Variants in TRPM6 observed in about 807,000 individuals in gnomAD.
TRPM6 encodes channel kinase 2.
In TRPM6, 111 loss-of-function variants were observed where a neutral mutation model predicts 247.6. That is an observed-to-expected ratio of 0.45 (90% CI 0.38 to 0.52). TRPM6 has a LOEUF of 0.52. Ranked by LOEUF, TRPM6 falls within the 20% of genes least tolerant of loss-of-function variation. The probability of loss-of-function intolerance (pLI) is 0.00; values close to 1 mark genes in which losing one functional copy is unlikely to be tolerated. For missense variants in TRPM6, 2,126 were observed against 2,421.5 expected (o/e 0.88, Z 2.56); for synonymous variants, 892 against 853.8 (o/e 1.04, Z -0.78).
chr9:74,817,477 C>T (rs965557410), intron 9 of TRPM6, among the ~76,000 whole-genome samples: 2 of 152,176 alleles, frequency 1.3e-5, no homozygotes, highest in African/African-American at 4.8e-5. Flanking sequence ...AGGCGAGTCA[C>T]CACGCCCAGC....
chr9:74,778,187 C>T (rs1042040600), intron 23 of TRPM6, among the ~76,000 whole-genome samples: 1 of 152,120 alleles, frequency 6.6e-6, no homozygotes, highest in African/African-American at 2.4e-5. Flanking sequence ...AAGGGCACCC[C>T]CACCAGGGGC....
intron 11 of TRPM6, among the ~76,000 whole-genome samples, chr9:74,815,707 T>A (rs1014378803): frequency 3.9e-5 from 6 of 152,214 alleles, no homozygotes; most frequent in African/African-American, 1.2e-4. Context: ...TATGACATTA[T>A]TTAGAAATAT....
Position 74,796,718 on chromosome 9 carries a change from G to A in TRPM6, c.2391+23C>T, listed in dbSNP as rs1436746504. The A allele has an allele frequency of 2.3e-5, 37 of 1,611,416 alleles. No individual in the cohort carries two copies. In the Admixed American group the frequency reaches 5.3e-4, roughly 23 times the overall value. The stretch of plus-strand genomic sequence containing the variant: ...GTGCAGTCAATACAATGAAAATTCA[G>A]TTCATTATGATTTTGCACTAACCAC... On this transcript the variant is annotated intron_variant, in intron 18 of 38. Transcript: ENST00000360774.
At chr9:74,877,607 C>A (rs746544442) in intron 1 of TRPM6, among the ~76,000 whole-genome samples, 1 of 152,182 alleles carries the variant, frequency 6.6e-6, no homozygotes, top group Non-Finnish European at 1.5e-5. Flanking sequence ...CCCCTGCCCA[C>A]AGCCCACCTC....
rs971269569 is a variant in TRPM6, at chr9:74,800,354, G to A, written c.2138C>T (p.Ser713Leu). The change falls in exon 17 of 39, where the codon TCG becomes TTG. Residue 713 changes from serine (S) to leucine (L), a missense_variant. Around this residue, in one of 3 missense-constraint regions of TRPM6, gnomAD observed 1,082 missense variants for 1,307.9 expected, o/e 0.83. Coordinates refer to ENST00000360774, the MANE Select transcript of TRPM6 (RefSeq NM_017662.5). Reference sequence around the variant, plus strand: ...TGAAACAAAGGGTCGTAATCCTCCCGACACGGCCAGTTTAAGGCAGGTCGA... The same window carrying A: ...TGAAACAAAGGGTCGTAATCCTCCCAACACGGCCAGTTTAAGGCAGGTCGA... ...SNSTCLKLAV[S>L]GGLRPFVSHT... 25 of 1,613,892 alleles carry A rather than the reference G, an allele frequency of 1.5e-5. No individual in the cohort carries two copies. The highest frequency in any genetic ancestry group is 2.2e-5 in the South Asian group (2 of 91,072).
chr9:74,827,118 C>T (rs1829363171), intron 7 of TRPM6: 1 of 153,132 alleles, frequency 6.5e-6, no homozygotes, highest in African/African-American at 2.4e-5. Flanking sequence ...CATGAAATGT[C>T]ATCTTCCCTG....
Position 74,771,766 on chromosome 9 carries a change from A to T in TRPM6, c.3473T>A (p.Phe1158Tyr). The change falls in exon 25 of 39, where the codon TTC becomes TAC. Residue 1158 changes from phenylalanine (F) to tyrosine (Y), a missense_variant. Physicochemically the swap from Phe to Tyr is conservative, Grantham distance 22. Coordinates refer to ENST00000360774, the MANE Select transcript of TRPM6 (RefSeq NM_017662.5). ...ATTCACATCTTCCATCTTCTCATGG[A>T]AGTATTTTTCCACGCACTGCTCCTC... ...DFEEQCVEKY[F>Y]HEKMEDVNCS... 6.2e-7 allele frequency: 1 copy of T among 1,613,818 alleles called. No homozygotes were observed. Among genetic ancestry groups the T allele is most frequent in the Non-Finnish European group, 8.5e-7 (1 of 1,179,816 alleles).
chr9:74,820,490 A>T, intron 8 of TRPM6, 63 bp from the exon 9 acceptor site: 1 of 1,597,306 alleles, frequency 6.3e-7, no homozygotes, highest in Non-Finnish European at 8.6e-7. Flanking sequence ...CAACATCAGT[A>T]CAAGAAAACA....
chr9:74,736,731 C>T (rs1045276678), intron 36 of TRPM6, among the ~76,000 whole-genome samples: 5 of 152,136 alleles, frequency 3.3e-5, no homozygotes, highest in African/African-American at 1.2e-4. Flanking sequence ...TTATTTGGAG[C>T]GGCCTATTTC....
chr9:74,760,204 C>A (rs1171466019), intron 27 of TRPM6, among the ~76,000 whole-genome samples: 2 of 152,204 alleles, frequency 1.3e-5, no homozygotes, highest in East Asian at 3.8e-4. Flanking sequence ...CATTCACTCA[C>A]CGCTCACTCA....
rs2118928519 is a variant in TRPM6 at position 74,782,793 on chromosome 9, C to T, written c.2980G>A (p.Ala994Thr). The T allele has an allele frequency of 1.2e-6, 2 of 1,614,084 alleles. No homozygotes were observed. Among genetic ancestry groups the T allele is most frequent in the East Asian group, 4.5e-5 (2 of 44,874 alleles). ...TTTGGCGAAAGGATGGCCTTGCGTG[C>T]CACTCCAAAGCTCAGCAGGACTATG... ...MAIVLLSFGV[A>T]RKAILSPKEP... Residue 994 changes from alanine (A) to threonine (T), a missense_variant, in exon 22 of 39, where the codon GCA becomes ACA. Physicochemically the swap from Ala to Thr is moderately conservative, Grantham distance 58. Coordinates refer to ENST00000360774, the MANE Select transcript of TRPM6 (RefSeq NM_017662.5).
At position 74,785,815 on chromosome 9, in the gene TRPM6, A is replaced by T. The variant is rs144463358; in HGVS notation, c.2919+59T>A. The T allele has an allele frequency of 1.9e-6, 3 of 1,600,146 alleles. No homozygotes were observed. In the South Asian group the frequency reaches 3.3e-5, roughly 18 times the overall value. ...TGGGATTACAGGTGTGAGCCACCAC[A>T]CCTGGCTAAAAATAATTTTAAAAAA... On this transcript the variant is annotated intron_variant, in intron 21 of 38. Transcript: ENST00000360774.
chr9:74,846,544 T>G (rs910284309), intron 3 of TRPM6, among the ~76,000 whole-genome samples: 5 of 152,244 alleles, frequency 3.3e-5, no homozygotes, highest in African/African-American at 9.6e-5. Context: ...TTTTAGAATT[T>G]TTTTTCTTTT....
intron 36 of TRPM6, among the ~76,000 whole-genome samples, chr9:74,736,424 G>C (rs1587453151): frequency 6.6e-6 from 1 of 151,956 alleles, no homozygotes; most frequent in Non-Finnish European, 1.5e-5. Flanking sequence ...ATATAAAACT[G>C]AACTAAAACC....
At chr9:74,828,169 C>T (rs939033695) in intron 6 of TRPM6, among the ~76,000 whole-genome samples, 1 of 151,744 alleles carries the variant, frequency 6.6e-6, no homozygotes, top group Non-Finnish European at 1.5e-5. Flanking sequence ...CTTACTAACA[C>T]GGTGAAACCC....
intron 16 of TRPM6, among the ~76,000 whole-genome samples, 192 bp downstream of exon 16, chr9:74,801,706 T>G (rs148145844): frequency 6.6e-6 from 1 of 152,318 alleles, no homozygotes; most frequent in African/African-American, 2.4e-5. Flanking sequence ...TCCCCTGACT[T>G]GAAGGTCACC....
chr9:74,806,714 C>T (rs1189690499), intron 14 of TRPM6, among the ~76,000 whole-genome samples: 1 of 152,118 alleles, frequency 6.6e-6, no homozygotes, highest in Non-Finnish European at 1.5e-5. Flanking sequence ...AGAAAACATG[C>T]ACAGAGAAGT....
At chr9:74,871,275 C>G (rs1427242116) in intron 1 of TRPM6, among the ~76,000 whole-genome samples, 1 of 152,158 alleles carries the variant, frequency 6.6e-6, no homozygotes, top group Non-Finnish European at 1.5e-5. Flanking sequence ...CCCCTGTTCC[C>G]CAGCCATCCA....
At chr9:74,811,742 G>A (rs1167530985) in intron 12 of TRPM6, among the ~76,000 whole-genome samples, 2 of 152,164 alleles carry the variant, frequency 1.3e-5, no homozygotes, top group African/African-American at 4.8e-5. Context: ...AGATAAATAA[G>A]TCTTAAGCTG....
Sources: allele counts gnomAD v4.1 joint callset (sites outside exome capture counted in the v4.1 genomes callset), GRCh38; gene constraint gnomAD v4.1.1; regional missense constraint gnomAD v4.1.1; transcripts MANE v1.5; gene names NCBI Gene and HGNC (gene_info 2026-07-23, HGNC 2026-07-21).